Variants in P4HA3 observed in about 807,000 individuals in gnomAD.
P4HA3 encodes the protein prolyl 4-hydroxylase subunit alpha 3.
P4HA3 carries 60 observed loss-of-function variants against 66.7 expected under a neutral mutation model. The observed-to-expected ratio is 0.90, with a 90% CI of 0.73 to 1.12. The LOEUF (loss-of-function observed/expected upper bound fraction) is 1.12, where lower values mean the gene tolerates loss of function less well. Among genes scored for constraint, P4HA3 ranks in the 50% most tolerant of loss-of-function variants. The probability of loss-of-function intolerance (pLI) is 0.00; values close to 1 mark genes in which losing one functional copy is unlikely to be tolerated. For missense variants in P4HA3, 683 were observed against 685.8 expected (o/e 1.00, Z 0.05); for synonymous variants, 263 against 274.6 (o/e 0.96, Z 0.42).
Position 74,298,310 on chromosome 11 carries a change from C to T in P4HA3, c.619G>A (p.Ala207Thr), listed in dbSNP as rs370320436. ...YYHAIPWLEE[A>T]VSLFRGSYGE... ...TAAGATCCTCGGAAGAGACTGACAG[C>T]CTCCTCCAGCCATGGAATGGCATGG... Residue 207 changes from alanine to threonine, a missense_variant, in exon 4 of 13, where the codon GCT (alanine) becomes ACT (threonine). By Grantham distance (58) the Ala-to-Thr change is moderately conservative. Transcript: ENST00000331597. 2 of 1,613,886 alleles carry T rather than the reference C, an allele frequency of 1.2e-6. No individual in the cohort carries two copies. Among genetic ancestry groups the T allele is most frequent in the Non-Finnish European group, 8.5e-7 (1 of 1,179,962 alleles).
At chr11:74,297,005 C>T (rs1008628453) in intron 4 of P4HA3, among the ~76,000 whole-genome samples, 6 of 147,838 alleles carry the variant, frequency 4.1e-5, no homozygotes, top group Non-Finnish European at 8.9e-5. Flanking sequence ...GATCTCTGCT[C>T]ACCACAACTT....
intron 4 of P4HA3, among the ~76,000 whole-genome samples, chr11:74,294,466 C>T (rs139753753): frequency 0.017 from 2,523 of 152,310 alleles, 59 homozygotes; most frequent in African/African-American, 0.055. Context: ...CATTCTCCAT[C>T]CAGCTTTGTT....
At chr11:74,273,449 A>T in intron 10 of P4HA3, 96 bp downstream of exon 10, 1 of 1,139,254 alleles carries the variant, frequency 8.8e-7, no homozygotes. Context: ...TGCGCTGAGT[A>T]CCAGATAAAA....
chr11:74,285,809 C>T lies in P4HA3; in HGVS notation c.1110G>A (p.Trp370Ter). ...CTTGGCGGGTTCTCAGGACACTCAC[C>T]CATGGTTCTGCAAGTTCTCTAATTT... ...AQKIRELAEPWLQRSVVASGE... is the reference protein window; with the variant it reads ...AQKIRELAEP Residue 370 changes from tryptophan (W) to a stop codon, truncating the protein, a stop_gained and splice_region_variant, in exon 7 of 13, where the codon TGG (tryptophan) becomes TGA (stop). Coordinates refer to ENST00000331597, the MANE Select transcript of P4HA3 (RefSeq NM_182904.5). LOFTEE classifies it high-confidence loss of function. 6.2e-7 allele frequency: 1 copy of T among 1,613,462 alleles called. No individual in the cohort carries two copies. Among genetic ancestry groups the T allele is most frequent in the South Asian group, 1.1e-5 (1 of 91,022 alleles).
At chr11:74,295,515 C>A (rs543619402) in intron 4 of P4HA3, among the ~76,000 whole-genome samples, 1 of 152,190 alleles carries the variant, frequency 6.6e-6, no homozygotes, top group Admixed American at 6.5e-5. Flanking sequence ...CAATAATAAG[C>A]ACATTATGAA....
At chr11:74,275,261 T>C (rs949409361) in intron 9 of P4HA3, among the ~76,000 whole-genome samples, 1 of 152,206 alleles carries the variant, frequency 6.6e-6, no homozygotes, top group Non-Finnish European at 1.5e-5. Context: ...GCCTAACCTG[T>C]GGTCACAAAA....
chr11:74,262,983 T>C (rs1565401618), downstream of P4HA3, among the ~76,000 whole-genome samples: 1 of 152,242 alleles, frequency 6.6e-6, no homozygotes, highest in Non-Finnish European at 1.5e-5. Flanking sequence ...CCGCTGCACC[T>C]TGTGCTCTAC....
chr11:74,270,479 A>G (rs1041559187), intron 10 of P4HA3, among the ~76,000 whole-genome samples: 2 of 143,866 alleles, frequency 1.4e-5, no homozygotes, highest in Non-Finnish European at 1.6e-5. Context: ...TAAAACAGGA[A>G]AATATTTTTA....
intron 15 of P4HA3, chr11:74,254,346 G>C (rs963972772): frequency 1.3e-5 from 2 of 152,836 alleles, no homozygotes; most frequent in Non-Finnish European, 2.9e-5. Context: ...CTGGAGGTGT[G>C]CAGTGCCCCC....
chr11:74,288,438 G>C (rs954144690), intron 5 of P4HA3, among the ~76,000 whole-genome samples: 2 of 152,158 alleles, frequency 1.3e-5, no homozygotes, highest in Admixed American at 1.3e-4. Flanking sequence ...TCCAAAATCT[G>C]GGTCTTTAAA....
intron 15 of P4HA3, chr11:74,255,919 G>T (rs1291704026): frequency 1.9e-6 from 1 of 516,580 alleles, no homozygotes; most frequent in Non-Finnish European, 3.9e-6. Context: ...TCTCTCACCG[G>T]AACACTTTGC....
intron 4 of P4HA3, 116 bp downstream of exon 4, chr11:74,298,096 G>C: frequency 4.7e-6 from 6 of 1,268,298 alleles, no homozygotes; most frequent in Non-Finnish European, 6.4e-6. Flanking sequence ...GGCTCAGTTT[G>C]GTCCTATTGG....
chr11:74,299,647 G>A (rs1298861597), intron 3 of P4HA3, among the ~76,000 whole-genome samples: 7 of 139,810 alleles, frequency 5.0e-5, no homozygotes, highest in Admixed American at 4.3e-4. Context: ...TATAAAAAGC[G>A]TTTTATTATA....
At chr11:74,301,759 G>C (rs1308669362) in intron 3 of P4HA3, among the ~76,000 whole-genome samples, 2 of 152,128 alleles carry the variant, frequency 1.3e-5, no homozygotes, top group African/African-American at 4.8e-5. Flanking sequence ...GATGGGGGGC[G>C]GGGGTGTTCC....
chr11:74,291,978 T>C (rs2134785482), intron 4 of P4HA3, among the ~76,000 whole-genome samples: 1 of 152,230 alleles, frequency 6.6e-6, no homozygotes, highest in Admixed American at 6.5e-5. Flanking sequence ...TTAGGGAGGA[T>C]TCCCTCTTTT....
chr11:74,256,010 A>C (rs780744327), intron 15 of P4HA3: 2 of 492,068 alleles, frequency 4.1e-6, no homozygotes, highest in South Asian at 2.9e-5. Context: ...ACTCAGGTTC[A>C]TCAGGTTCAC....
At chr11:74,310,882 C>T (rs1025378782) in intron 1 of P4HA3, among the ~76,000 whole-genome samples, 2 of 152,178 alleles carry the variant, frequency 1.3e-5, no homozygotes, top group Non-Finnish European at 2.9e-5. Flanking sequence ...CGGTGTTTCA[C>T]GATCCCCCCT....
intron 10 of P4HA3, among the ~76,000 whole-genome samples, chr11:74,271,335 A>G (rs930293243): frequency 2.0e-5 from 3 of 152,212 alleles, no homozygotes; most frequent in Non-Finnish European, 4.4e-5. Context: ...GTAAGGGGCA[A>G]CCTGGACTTT....
At chr11:74,297,185 C>T (rs1309150027) in intron 4 of P4HA3, among the ~76,000 whole-genome samples, 1 of 152,036 alleles carries the variant, frequency 6.6e-6, no homozygotes, top group Non-Finnish European at 1.5e-5. Context: ...AACTCCTGAC[C>T]TCAGGTGATC....
Sources: allele counts gnomAD v4.1 joint callset (sites outside exome capture counted in the v4.1 genomes callset), GRCh38; gene constraint gnomAD v4.1.1; transcripts MANE v1.5; gene names NCBI Gene and HGNC (gene_info 2026-07-23, HGNC 2026-07-21).